The following DPP10 variants were observed in gnomAD, a reference collection of about 807,000 sequenced individuals.
The protein encoded by DPP10 is dipeptidyl peptidase like 10, also known as inactive dipeptidyl peptidase 10.
Under a neutral mutation model 120.9 loss-of-function variants are expected in DPP10, and 33 were observed. The ratio of observed to expected loss-of-function variants is 0.27; its 90% confidence interval spans 0.21 to 0.37. DPP10 has a LOEUF of 0.37. DPP10 is among the 10% of genes least tolerant of loss of function. The pLI is 1.00. For synonymous variants in DPP10, 337 were observed against 326.1 expected, an observed-to-expected ratio of 1.03 and a Z score of -0.36; for missense variants, 816 against 942.8, an observed-to-expected ratio of 0.87 and a Z score of 1.76.
chr2:115,331,900 C>G (rs1376959446), intron 2 of DPP10, among the ~76,000 whole-genome samples: 1 of 152,142 alleles, frequency 6.6e-6, no homozygotes, highest in Middle Eastern at 3.4e-3. Context: ...TTTGTTGTGT[C>G]TCTGCCAGGC....
At chr2:115,681,738 CTT>C (rs1248983259) in intron 5 of DPP10, among the ~76,000 whole-genome samples, 1 of 147,280 alleles carries the variant, frequency 6.8e-6, no homozygotes, top group Non-Finnish European at 1.5e-5. Flanking sequence ...TCCTTTCTTC[CTT>C]TCTCTCTCTC....
At chr2:115,672,682 C>CTTTCTTTCTT (rs1553475957) in intron 5 of DPP10, among the ~76,000 whole-genome samples, 2 of 137,492 alleles carry the variant, frequency 1.5e-5, no homozygotes, top group Non-Finnish European at 3.1e-5. Context: ...CTTTCTTTCT[C>CTTTCTTTCTT]TTTCTTTCTT....
intron 4 of DPP10, among the ~76,000 whole-genome samples, chr2:115,513,072 A>G (rs2077317153): frequency 6.6e-6 from 1 of 151,936 alleles, no homozygotes; most frequent in Non-Finnish European, 1.5e-5. Context: ...TATTATGTGC[A>G]TACATATTTA....
chr2:114,937,494 C>A (rs1319140115), intron 1 of DPP10, among the ~76,000 whole-genome samples: 1 of 152,180 alleles, frequency 6.6e-6, no homozygotes, highest in African/African-American at 2.4e-5. Context: ...CTGCCCAGTT[C>A]AATCCTCTGG....
chr2:114,829,534 A>AT (rs539035964), intron 1 of DPP10, among the ~76,000 whole-genome samples: 2,548 of 138,462 alleles, frequency 0.018, 43 homozygotes, highest in Admixed American at 0.041. Flanking sequence ...CACTCAGCTA[A>AT]TTTTTTTTTT....
chr2:114,622,332 A>G (rs1259150153), intron 1 of DPP10, among the ~76,000 whole-genome samples: 3 of 152,004 alleles, frequency 2.0e-5, no homozygotes, highest in Admixed American at 6.6e-5. Flanking sequence ...AAATCCACAC[A>G]GTAAGTTTTT....
intron 1 of DPP10, among the ~76,000 whole-genome samples, chr2:114,618,331 C>G (rs1468808941): frequency 6.6e-6 from 1 of 152,012 alleles, no homozygotes; most frequent in Non-Finnish European, 1.5e-5. Flanking sequence ...CATTTCAATA[C>G]AGCAATTAAT....
chr2:114,968,978 A>C (rs1459046912), intron 1 of DPP10, among the ~76,000 whole-genome samples: 1 of 152,202 alleles, frequency 6.6e-6, no homozygotes, highest in African/African-American at 2.4e-5. Flanking sequence ...GACTGAGCCA[A>C]CCAATTCCGT....
chr2:114,444,281 G>A (rs1677819814), intron 1 of DPP10, among the ~76,000 whole-genome samples: 1 of 152,126 alleles, frequency 6.6e-6, no homozygotes, highest in South Asian at 2.1e-4. Context: ...ACTGAACAAA[G>A]CCAAAATAGT....
At chr2:114,559,371 C>A (rs1232767313) in intron 1 of DPP10, among the ~76,000 whole-genome samples, 3 of 152,056 alleles carry the variant, frequency 2.0e-5, no homozygotes, top group South Asian at 4.2e-4. Context: ...TGTGAACAAC[C>A]CCTAGAAGTC....
At chr2:115,150,900 T>C (rs1317448277) in intron 1 of DPP10, among the ~76,000 whole-genome samples, 1 of 152,232 alleles carries the variant, frequency 6.6e-6, no homozygotes, top group Non-Finnish European at 1.5e-5. Context: ...AAATATACCA[T>C]TGATTTAAAT....
At chr2:115,316,976 G>T (rs367866067) in intron 2 of DPP10, among the ~76,000 whole-genome samples, 5 of 152,126 alleles carry the variant, frequency 3.3e-5, no homozygotes, top group South Asian at 4.1e-4. Context: ...AGCCAGGTTT[G>T]TTGGCACATG....
At chr2:115,642,928 A>G (rs535237442) in intron 5 of DPP10, among the ~76,000 whole-genome samples, 1 of 152,172 alleles carries the variant, frequency 6.6e-6, no homozygotes, top group South Asian at 2.1e-4. Context: ...AACCTGTCCA[A>G]ATGTTTATTT....
At chr2:115,509,291 A>C (rs563215618) in intron 4 of DPP10, among the ~76,000 whole-genome samples, 228 of 152,264 alleles carry the variant, frequency 1.5e-3, no homozygotes, top group Non-Finnish European at 2.5e-3. Flanking sequence ...GGACGATAAT[A>C]ATAAGTAAAA....
At chr2:114,528,974 C>T (rs1267195044) in intron 1 of DPP10, among the ~76,000 whole-genome samples, 1 of 152,046 alleles carries the variant, frequency 6.6e-6, no homozygotes, top group Non-Finnish European at 1.5e-5. Context: ...TTGTCCTCTG[C>T]CCTATTCTGC....
chr2:115,633,617 T>A (rs2086077473), intron 5 of DPP10, among the ~76,000 whole-genome samples: 1 of 152,112 alleles, frequency 6.6e-6, no homozygotes, highest in Admixed American at 6.5e-5. Flanking sequence ...GCCCTCAATC[T>A]CTTCTGGAAT....
chr2:115,214,499 C>T (rs1454283035), intron 1 of DPP10, among the ~76,000 whole-genome samples: 1 of 152,026 alleles, frequency 6.6e-6, no homozygotes, highest in Non-Finnish European at 1.5e-5. Context: ...AGATCATTTT[C>T]AATTAATTGT....
intron 1 of DPP10, among the ~76,000 whole-genome samples, chr2:114,475,757 C>T (rs1680320261): frequency 6.6e-6 from 1 of 152,166 alleles, no homozygotes; most frequent in African/African-American, 2.4e-5. Context: ...ACTTTTAAGA[C>T]AACTTTTCCT....
intron 1 of DPP10, among the ~76,000 whole-genome samples, chr2:115,206,993 G>A (rs1312467961): frequency 2.0e-5 from 3 of 152,132 alleles, no homozygotes; most frequent in African/African-American, 7.2e-5. Flanking sequence ...AGATTTTTCC[G>A]ATTGTCAACA....
Sources: allele counts gnomAD v4.1 joint callset (sites outside exome capture counted in the v4.1 genomes callset), GRCh38; gene constraint gnomAD v4.1.1; transcripts MANE v1.5; gene names NCBI Gene and HGNC (gene_info 2026-07-23, HGNC 2026-07-21).